MYOM2: variants seen among roughly 807,000 people sequenced by gnomAD.
MYOM2 encodes myomesin 2.
In MYOM2, 254 loss-of-function variants were observed where a neutral mutation model predicts 187.6. The observed-to-expected ratio is 1.35, with a 90% CI of 1.22 to 1.50. The LOEUF is 1.50. Among genes scored for constraint, MYOM2 ranks in the 40% most tolerant of loss-of-function variants. The pLI is 0.00. For synonymous variants in MYOM2, 981 were observed against 753.8 expected, an observed-to-expected ratio of 1.30 and a Z score of -4.94; for missense variants, 2,796 against 1,924.0, an observed-to-expected ratio of 1.45 and a Z score of -8.48.
In MYOM2 at chr8:2,096,033, G is replaced by A. The variant is rs1393182923; in HGVS notation, c.2126-214G>A. On this transcript the variant is annotated intron_variant, in intron 17 of 36. Coordinates refer to ENST00000262113, the MANE Select transcript of MYOM2 (RefSeq NM_003970.4). ...CTTAGAAATAGCAATACATATATAT[G>A]AGATAAATTTTTATTTATTTTTGTA... Among the ~76,000 whole-genome samples, 7 of 152,272 alleles carry A rather than the reference G, an allele frequency of 4.6e-5. No homozygotes were observed. In the Middle Eastern group the frequency reaches 0.01, roughly 222 times the overall value.
At chr8:2,100,744 G>C in intron 19 of MYOM2, 132 bp from the exon 20 acceptor site, 14 of 825,684 alleles carry the variant, frequency 1.7e-5, no homozygotes, top group Non-Finnish European at 2.7e-5. Flanking sequence ...ATAAACATCA[G>C]ATGGGGAACA....
chr8:2,141,101 C>G, intron 33 of MYOM2, 40 bp from the exon 34 acceptor site: 1 of 1,579,630 alleles, frequency 6.3e-7, no homozygotes, highest in Non-Finnish European at 8.7e-7. Flanking sequence ...AAAATCTGAA[C>G]ACTGAAATGG....
At chr8:2,054,409 C>T (rs948903169) in intron 3 of MYOM2, among the ~76,000 whole-genome samples, 3 of 152,266 alleles carry the variant, frequency 2.0e-5, no homozygotes, top group African/African-American at 7.2e-5. Context: ...AAATGGGCCT[C>T]CCTGAATCTT....
At chr8:2,102,505 T>G (rs1185540400) in intron 20 of MYOM2, among the ~76,000 whole-genome samples, 162 bp from the exon 21 acceptor site, 1 of 142,732 alleles carries the variant, frequency 7.0e-6, no homozygotes, top group Non-Finnish European at 1.6e-5. Flanking sequence ...TGCACCACTG[T>G]GAATCTCCTC....
chr8:2,123,940 C>T (rs1160494042), intron 30 of MYOM2, among the ~76,000 whole-genome samples: 6 of 152,220 alleles, frequency 3.9e-5, no homozygotes, highest in Non-Finnish European at 8.8e-5. Context: ...GGCAGTGATT[C>T]AGTTGAATGT....
At chr8:2,140,966 G>A in intron 33 of MYOM2, 80 bp downstream of exon 33, 1 of 1,411,062 alleles carries the variant, frequency 7.1e-7, no homozygotes, top group Non-Finnish European at 9.6e-7. Context: ...AATACAATAT[G>A]AATACAAGAG....
At chr8:2,079,425 C>T (rs1327992464) in intron 12 of MYOM2, 135 bp from the exon 13 acceptor site, 2 of 831,692 alleles carry the variant, frequency 2.4e-6, no homozygotes, top group Admixed American at 1.7e-5. Flanking sequence ...CCAGAATCAG[C>T]TCTGATGCCC....
chr8:2,073,280 C>G, intron 9 of MYOM2, 59 bp from the exon 10 acceptor site: 16 of 1,556,986 alleles, frequency 1.0e-5, no homozygotes, highest in Non-Finnish European at 1.4e-5. Context: ...GTCCCCGAGG[C>G]TTTCTTTGCC....
intron 32 of MYOM2, among the ~76,000 whole-genome samples, chr8:2,135,584 G>C (rs28694252): frequency 0.032 from 4,902 of 152,150 alleles, 270 homozygotes; most frequent in African/African-American, 0.11. Flanking sequence ...GGTTGCTTTA[G>C]CACGAAGGAG....
chr8:2,143,253 A>C, intron 35 of MYOM2, 148 bp from the exon 36 acceptor site: 2 of 885,634 alleles, frequency 2.3e-6, no homozygotes, highest in South Asian at 3.0e-5. Flanking sequence ...AACTGTAAAC[A>C]TATAAACCTT....
intron 31 of MYOM2, among the ~76,000 whole-genome samples, chr8:2,127,584 C>T (rs1297838912): frequency 6.6e-6 from 1 of 152,000 alleles, no homozygotes; most frequent in African/African-American, 2.4e-5. Context: ...AGTACCTCGG[C>T]GTGACGCGGT....
chr8:2,057,432 C>A lies in MYOM2; in HGVS notation c.348C>A (p.His116Gln). Residue 116 changes from histidine (H) to glutamine (Q), a missense_variant, in exon 4 of 37, where the codon CAC becomes CAA. By Grantham distance (24) the His-to-Gln change is conservative. Transcript: ENST00000262113. Reference protein sequence around the residue: ...SELAHLEEDVHLARSQARDKL... With the variant: ...SELAHLEEDVQLARSQARDKL... Reference sequence around the variant, plus strand: ...TGGCCCACTTGGAGGAGGATGTCCACCTGGCACGCTCCCAGGCCCGCGACA... The same window carrying A: ...TGGCCCACTTGGAGGAGGATGTCCAACTGGCACGCTCCCAGGCCCGCGACA... 1 of 1,614,024 alleles carries A rather than the reference C, an allele frequency of 6.2e-7. No individual in the cohort carries two copies. Among genetic ancestry groups the A allele is most frequent in the Non-Finnish European group, 8.5e-7 (1 of 1,179,992 alleles).
chr8:2,090,264 G>A, intron 15 of MYOM2, 73 bp downstream of exon 15: 1 of 1,423,692 alleles, frequency 7.0e-7, no homozygotes. Flanking sequence ...GCCTTAAATT[G>A]TGTGAATAAA....
At chr8:2,101,315 C>A (rs1350023107) in intron 20 of MYOM2, among the ~76,000 whole-genome samples, 1 of 152,134 alleles carries the variant, frequency 6.6e-6, no homozygotes, top group African/African-American at 2.4e-5. Flanking sequence ...ACTGAGTCAC[C>A]GCACTCCAGC....
intron 14 of MYOM2, among the ~76,000 whole-genome samples, chr8:2,086,389 C>T (rs1435637238): frequency 2.8e-4 from 10 of 35,472 alleles, no homozygotes; most frequent in African/African-American, 6.4e-4. Flanking sequence ...GCGTGGCCTC[C>T]CACTGTTGTG....
At chr8:2,075,725 C>T (rs1471680738) in intron 10 of MYOM2, among the ~76,000 whole-genome samples, 2 of 152,168 alleles carry the variant, frequency 1.3e-5, no homozygotes, top group African/African-American at 2.4e-5. Flanking sequence ...AAGAGTAAAT[C>T]GCCCAATTTC....
chr8:2,067,457 G>A (rs1387020861), intron 6 of MYOM2, among the ~76,000 whole-genome samples: 1 of 152,166 alleles, frequency 6.6e-6, no homozygotes, highest in African/African-American at 2.4e-5. Flanking sequence ...TGTGTTGATT[G>A]CTCACCATCC....
intron 6 of MYOM2, among the ~76,000 whole-genome samples, chr8:2,068,151 G>A (rs1042201229): frequency 6.6e-6 from 1 of 151,748 alleles, no homozygotes; most frequent in African/African-American, 2.4e-5. Flanking sequence ...AGCATACCGG[G>A]GGGCGGCAGC....
chr8:2,109,464 C>T lies in MYOM2; in HGVS notation c.3113C>T (p.Ala1038Val). ...GGGCGGGTTCGCTTCTGGCTCCAGG[C>T]TGAGCACTTATCACCAGATGCCAGC... The part of the protein sequence containing the change: ...DKGRVRFWLQ[A>V]EHLSPDASYR... The change falls in exon 25 of 37, where the codon GCT becomes GTT. Residue 1038 changes from alanine to valine, a missense_variant. Physicochemically the swap from Ala to Val is moderately conservative, Grantham distance 64. Coordinates refer to ENST00000262113, the MANE Select transcript of MYOM2 (RefSeq NM_003970.4). 1 of 1,613,408 alleles carries T rather than the reference C, an allele frequency of 6.2e-7. No homozygotes were observed. Among genetic ancestry groups the T allele is most frequent in the Non-Finnish European group, 8.5e-7 (1 of 1,179,668 alleles).
Sources: allele counts gnomAD v4.1 joint callset (sites outside exome capture counted in the v4.1 genomes callset), GRCh38; gene constraint gnomAD v4.1.1; transcripts MANE v1.5; gene names NCBI Gene and HGNC (gene_info 2026-07-23, HGNC 2026-07-21).